Variants in BLOC1S3 observed in about 807,000 individuals in gnomAD.
BLOC1S3 encodes biogenesis of lysosomal organelles complex 1 subunit 3.
Under a neutral mutation model 9.1 loss-of-function variants are expected in BLOC1S3, and 7 were observed. That is an observed-to-expected ratio of 0.77 (90% CI 0.44 to 1.45). The LOEUF (loss-of-function observed/expected upper bound fraction) is 1.45. BLOC1S3 is among the 40% of genes most tolerant of loss of function. The pLI, the probability that BLOC1S3 is intolerant of heterozygous loss-of-function variation, is 0.01. For synonymous variants in BLOC1S3, 145 were observed against 158.4 expected (o/e 0.92, Z 0.64); for missense variants, 307 against 315.2 (o/e 0.97, Z 0.20).
At chr19:45,189,427 C>CTTTTTTTTTTTTT in intron 2 of BLOC1S3, among the ~76,000 whole-genome samples, 1 of 138,702 alleles carries the variant, frequency 7.2e-6, no homozygotes, top group Non-Finnish European at 1.6e-5. Context: ...AGGTAGTCTT[C>CTTTTTTTTTTTTT]TTTTTTTTTT....
At chr19:45,209,583 A>G (rs113483491) in intron 3 of BLOC1S3, among the ~76,000 whole-genome samples, 5,408 of 151,676 alleles carry the variant, frequency 0.036, 316 homozygotes, top group African/African-American at 0.12. Context: ...CACTACGCCC[A>G]GCTAATTTTT....
intron 3 of BLOC1S3, chr19:45,213,067 C>T: frequency 6.7e-7 from 1 of 1,483,768 alleles, no homozygotes; most frequent in Non-Finnish European, 8.9e-7. Context: ...GTTGGGTGAC[C>T]CTCAGCGCTG....
At chr19:45,194,321 C>T (rs1969631592) in intron 2 of BLOC1S3, among the ~76,000 whole-genome samples, 1 of 150,622 alleles carries the variant, frequency 6.6e-6, no homozygotes, top group Non-Finnish European at 1.5e-5. Flanking sequence ...CCATATTGGT[C>T]AGGCTGGTCT....
chr19:45,213,352 T>G, intron 3 of BLOC1S3: 2 of 1,613,258 alleles, frequency 1.2e-6, no homozygotes, highest in Non-Finnish European at 1.7e-6. Context: ...TGCCACGTGC[T>G]TCTGCCTGTG....
chr19:45,190,352 C>T (rs1244458084), intron 2 of BLOC1S3, among the ~76,000 whole-genome samples: 2 of 135,034 alleles, frequency 1.5e-5, no homozygotes, highest in South Asian at 5.0e-4. Context: ...AAACAGACCC[C>T]TCCTTCTCTC....
Position 45,179,675 on chromosome 19 carries a change from G to C in BLOC1S3, c.379G>C (p.Ala127Pro), listed in dbSNP as rs1202332561. The C allele has an allele frequency of 1.4e-6, 2 of 1,465,640 alleles. No individual in the cohort carries two copies. The highest frequency in any genetic ancestry group is 2.4e-5 in the Admixed American group (1 of 41,180). 90.8% of individuals were successfully genotyped at this position (1,465,640 alleles called of 1,614,324 possible). A position where few individuals can be genotyped will look rare whatever the true frequency, so the allele number is the denominator to read the frequency against. The change falls in exon 2 of 2, where the codon GCC becomes CCC. Residue 127 changes from alanine (A) to proline (P), a missense_variant. By Grantham distance (27) the Ala-to-Pro change is conservative (BLOSUM62 -1). Coordinates refer to ENST00000433642, the MANE Select transcript of BLOC1S3 (RefSeq NM_212550.5). The surrounding 1 kb of genome is among the most constrained non-coding windows in gnomAD (Gnocchi z 4.6). ...QARLDHDVAA[A>P]VSGVYRRAGR... ...GCGGCTGGACCACGACGTGGCGGCCGCCGTGAGCGGTGTCTACCGCCGTGC... is the reference window on the plus strand; with the variant it reads ...GCGGCTGGACCACGACGTGGCGGCCCCCGTGAGCGGTGTCTACCGCCGTGC...
intron 3 of BLOC1S3, among the ~76,000 whole-genome samples, chr19:45,204,148 A>G (rs1057108420): frequency 5.3e-5 from 8 of 150,048 alleles, no homozygotes; most frequent in Non-Finnish European, 1.2e-4. Flanking sequence ...CTGGGATTAC[A>G]GGTGCTGGCT....
At chr19:45,208,776 A>G (rs1417591212) in intron 3 of BLOC1S3, among the ~76,000 whole-genome samples, 3 of 151,946 alleles carry the variant, frequency 2.0e-5, no homozygotes, top group Non-Finnish European at 4.4e-5. Context: ...AAAAAAGCCC[A>G]CAAGTATTTG....
At chr19:45,186,536 C>G (rs1969567030), downstream of BLOC1S3, among the ~76,000 whole-genome samples, 1 of 152,058 alleles carries the variant, frequency 6.6e-6, no homozygotes, top group East Asian at 1.9e-4. Flanking sequence ...GAAACCGTGT[C>G]TCTACTAAAA....
At chr19:45,187,151 G>GGGGTCA (rs935433798), upstream of BLOC1S3, among the ~76,000 whole-genome samples, 8 of 152,094 alleles carry the variant, frequency 5.3e-5, no homozygotes, top group Admixed American at 1.3e-4. Context: ...GACTGGGGCA[G>GGGGTCA]GGGTCAGGGT....
intron 2 of BLOC1S3, among the ~76,000 whole-genome samples, chr19:45,200,758 T>C (rs1348481080): frequency 6.6e-6 from 1 of 152,216 alleles, no homozygotes; most frequent in Non-Finnish European, 1.5e-5. Context: ...GTGTTTATTG[T>C]AGTCTTTGTA....
In BLOC1S3 at chr19:45,179,847, C is replaced by G. The variant is rs767423019; in HGVS notation, c.551C>G (p.Pro184Arg). Residue 184 changes from proline (P) to arginine (R), a missense_variant, in exon 2 of 2, where the codon CCG (proline) becomes CGG (arginine). Coordinates refer to ENST00000433642, the MANE Select transcript of BLOC1S3 (RefSeq NM_212550.5). This position sits in a 1 kb window ranked among gnomAD's most constrained non-coding sequence, Gnocchi z 4.6. ...ATCGTGGCTGGCTGCCGCCTGCTGC[C>G]GGACATCCGCGGCGTGCCAGGGACC... ...LDIVAGCRLLPDIRGVPGTEP... is the reference protein window; with the variant it reads ...LDIVAGCRLLRDIRGVPGTEP... 1 of 1,609,172 alleles carries G rather than the reference C, an allele frequency of 6.2e-7. No individual in the cohort carries two copies. The highest frequency in any genetic ancestry group is 8.5e-7 in the Non-Finnish European group (1 of 1,178,582).
chr19:45,194,147 T>C (rs766470281), intron 2 of BLOC1S3, among the ~76,000 whole-genome samples: 32 of 89,164 alleles, frequency 3.6e-4, no homozygotes, highest in Non-Finnish European at 5.4e-4. Context: ...GAGTCTCACT[T>C]TGTCGCCCAG....
At position 45,179,560 on chromosome 19, in the gene BLOC1S3, A is replaced by T; in HGVS notation, c.264A>T (p.Glu88Asp). 6.6e-7 allele frequency: 1 copy of T among 1,517,776 alleles called. No individual in the cohort carries two copies. The highest frequency in any genetic ancestry group is 8.8e-7 in the Non-Finnish European group (1 of 1,140,356). The allele number at this position is 1,517,776 out of a possible 1,614,324, so 94.0% of individuals were successfully genotyped here. ...TGCCTCCACTCGTGGTGCAGCGGGA[A>T]TCGGCGGAGGAGGCCTGGGGCACGG... is the stretch of plus-strand genomic sequence containing the variant. ...RDLPPLVVQR[E>D]SAEEAWGTEE... is the part of the protein sequence containing the mutation. Residue 88 changes from glutamate (E) to aspartate (D), a missense_variant, in exon 2 of 2, where the codon GAA becomes GAT. By Grantham distance (45) the Glu-to-Asp change is conservative. Transcript: ENST00000433642. The surrounding 1 kb of genome is among the most constrained non-coding windows in gnomAD (Gnocchi z 4.6).
intron 3 of BLOC1S3, among the ~76,000 whole-genome samples, chr19:45,204,118 T>C (rs1039241834): frequency 6.6e-6 from 1 of 150,928 alleles, no homozygotes; most frequent in Non-Finnish European, 1.5e-5. Flanking sequence ...GCAATTCTCC[T>C]GCCTCAGCCT....
In BLOC1S3 at chr19:45,179,144, G is replaced by A; in HGVS notation, c.-9-144G>A. On this transcript the variant is annotated intron_variant, in intron 1 of 1. Transcript: ENST00000433642. The surrounding 1 kb of genome is among the most constrained non-coding windows in gnomAD (Gnocchi z 4.6). ...AACCCCCATCATCACCCAGTTTACA[G>A]AAGAGGAAACTGAGGCCCAGACGGG... 1 of 910,072 alleles carries A rather than the reference G, an allele frequency of 1.1e-6. No individual in the cohort carries two copies. The allele number at this position is 910,072 out of a possible 1,614,324, so 56.4% of individuals were successfully genotyped here.
intron 2 of BLOC1S3, among the ~76,000 whole-genome samples, chr19:45,197,824 CAAAAAAAAAAAAAA>C (rs55654938): frequency 3.1e-5 from 2 of 63,590 alleles, no homozygotes; most frequent in South Asian, 1.6e-3. Flanking sequence ...GACTCCGTCT[CAAAAAAAAAAAAAA>C]AAAAAAAAAA....
At chr19:45,190,364 C>A (rs1313752396) in intron 2 of BLOC1S3, among the ~76,000 whole-genome samples, 1 of 151,260 alleles carries the variant, frequency 6.6e-6, no homozygotes, top group African/African-American at 2.4e-5. Flanking sequence ...CCTTCTCTCT[C>A]TCTCTCTCTC....
chr19:45,203,729 C>T (rs984434135), intron 3 of BLOC1S3, among the ~76,000 whole-genome samples: 4 of 152,118 alleles, frequency 2.6e-5, no homozygotes, highest in African/African-American at 9.7e-5. Flanking sequence ...ATGGTGCTTT[C>T]CACTGTAATA....
Sources: gnomAD v4.1 joint callset for allele counts (sites outside exome capture counted in the v4.1 genomes callset) on GRCh38, gnomAD v4.1.1 for gene constraint, Gnocchi (gnomAD v3.1) non-coding constraint, MANE v1.5 for transcripts, NCBI Gene and HGNC (gene_info 2026-07-23, HGNC 2026-07-21) for gene names.